Variants in COL6A3 observed in about 807,000 individuals in gnomAD.
COL6A3 encodes the protein collagen type VI alpha 3 chain.
Under a neutral mutation model 274.1 loss-of-function variants are expected in COL6A3, and 137 were observed. The ratio of observed to expected loss-of-function variants is 0.50; its 90% CI spans 0.44 to 0.58. The LOEUF is 0.58. COL6A3 is among the 20% of genes least tolerant of loss of function. The probability of loss-of-function intolerance (pLI) is 0.00; values close to 1 mark genes in which losing one functional copy is unlikely to be tolerated. For synonymous variants in COL6A3, 1,650 were observed against 1,650.6 expected, an observed-to-expected ratio of 1.00 and a Z score of 0.01; for missense variants, 3,950 against 4,124.9, an observed-to-expected ratio of 0.96 and a Z score of 1.16.
Position 237,324,599 on chromosome 2 carries a change from A to G in COL6A3, c.*175T>C. On this transcript the variant is annotated 3_prime_UTR_variant, in exon 44 of 44. Coordinates refer to ENST00000295550, the MANE Select transcript of COL6A3 (RefSeq NM_004369.4). ...ACAGAGAGCGAGGGTCCACAGACAC[A>G]TTAGCACCATACTGATAGGTCATGC... 3 of 666,358 alleles carry G rather than the reference A, an allele frequency of 4.5e-6. No homozygotes were observed. Among genetic ancestry groups the G allele is most frequent in the East Asian group, 5.6e-5 (2 of 35,508 alleles). The allele number at this position is 666,358 out of a possible 1,614,324, so 41.3% of individuals were successfully genotyped here. A position where few individuals can be genotyped will look rare whatever the true frequency, so the allele number is the denominator to read the frequency against.
chr2:237,341,541 T>C (rs1285663813), intron 37 of COL6A3, among the ~76,000 whole-genome samples: 1 of 83,622 alleles, frequency 1.2e-5, no homozygotes, highest in African/African-American at 6.8e-5. Flanking sequence ...CAAGACTCTG[T>C]CTAAAAAAAA....
intron 2 of COL6A3, among the ~76,000 whole-genome samples, chr2:237,396,476 A>C (rs796950743): frequency 2.6e-5 from 4 of 152,354 alleles, no homozygotes; most frequent in African/African-American, 9.6e-5. Context: ...CCAATGTAAA[A>C]ACAAATCATT....
intron 3 of COL6A3, among the ~76,000 whole-genome samples, 172 bp from the exon 4 acceptor site, chr2:237,388,356 A>T (rs910053305): frequency 6.6e-6 from 1 of 152,220 alleles, no homozygotes; most frequent in Non-Finnish European, 1.5e-5. Flanking sequence ...TGCATTCTGA[A>T]TGGATAAGAG....
In COL6A3 at chr2:237,344,247, G is replaced by A. The variant is rs1330152834; in HGVS notation, c.7668+103C>T. On this transcript the variant is annotated intron_variant, in intron 36 of 43. Coordinates refer to ENST00000295550, the MANE Select transcript of COL6A3 (RefSeq NM_004369.4). The surrounding 1 kb of genome is among the most constrained non-coding windows in gnomAD (Gnocchi z 4.8). Reference sequence around the variant, plus strand: ...GATGGCCTCATTGGGGACGTTTTAGGAGCTATGGGACATGAAGCCACAAAG... The same window carrying A: ...GATGGCCTCATTGGGGACGTTTTAGAAGCTATGGGACATGAAGCCACAAAG... The A allele has an allele frequency of 1.5e-5, 24 of 1,565,918 alleles. No homozygotes were observed. Among genetic ancestry groups the A allele is most frequent in the Non-Finnish European group, 2.1e-5 (24 of 1,141,228 alleles).
chr2:237,393,675 A>G (rs916733575), intron 3 of COL6A3, among the ~76,000 whole-genome samples: 2 of 152,194 alleles, frequency 1.3e-5, no homozygotes, highest in Non-Finnish European at 2.9e-5. Flanking sequence ...CCCATCGCTG[A>G]TGAGTAAGCT....
intron 24 of COL6A3, 144 bp from the exon 25 acceptor site, chr2:237,353,547 C>T (rs752594294): frequency 5.5e-6 from 4 of 724,052 alleles, no homozygotes; most frequent in Admixed American, 2.0e-5. Flanking sequence ...ATGATCAAAG[C>T]GGTAACCCCA....
intron 6 of COL6A3, among the ~76,000 whole-genome samples, chr2:237,377,860 C>T (rs1360208809): frequency 1.3e-5 from 2 of 152,192 alleles, no homozygotes; most frequent in African/African-American, 4.8e-5. Context: ...GGGCCAAGAC[C>T]CACAATAGTG....
chr2:237,365,956 G>T lies in COL6A3; in HGVS notation c.5580C>A (p.Ser1860=). The change falls in exon 12 of 44, where the codon TCC becomes TCA. Residue 1860 remains serine (S), a synonymous_variant. Transcript: ENST00000295550. ...TTCTGTTCAAGATGGCGTCCACCTT[G>T]GACTCGAAGCCCTTCTGGGCCACAA... The part of the protein sequence containing the change: ...NVFVAQKGFE[S]KVDAILNRIS... 2.5e-6 allele frequency: 4 copies of T among 1,614,068 alleles called. No homozygotes were observed. Among genetic ancestry groups the T allele is most frequent in the Middle Eastern group, 1.6e-4 (1 of 6,062 alleles).
At chr2:237,336,780 A>G (rs1235976343) in intron 39 of COL6A3, among the ~76,000 whole-genome samples, 1 of 152,242 alleles carries the variant, frequency 6.6e-6, no homozygotes, top group Non-Finnish European at 1.5e-5. Flanking sequence ...CTACAAAAAC[A>G]TCTTTCAATT....
At chr2:237,386,283 AG>A (rs1199529191) in intron 4 of COL6A3, among the ~76,000 whole-genome samples, 1 of 152,260 alleles carries the variant, frequency 6.6e-6, no homozygotes, top group African/African-American at 2.4e-5. Flanking sequence ...ATAAATAGAT[AG>A]TGATGTTTTT....
intron 8 of COL6A3, 53 bp from the exon 9 acceptor site, chr2:237,372,390 C>T (rs890497855): frequency 6.9e-6 from 11 of 1,599,658 alleles, no homozygotes; most frequent in Admixed American, 3.3e-5. Flanking sequence ...AAATTCTTAG[C>T]GTTCATGAGC....
chr2:237,346,710 G>T lies in COL6A3; in HGVS notation c.7030-145C>A, dbSNP rs145759490. ...TCTCTCACTTTAAGGGAGCTAAAAT[G>T]TCTCTTAAATTCAAGTTTAGGGACA... On this transcript the variant is annotated intron_variant, in intron 31 of 43. Transcript: ENST00000295550. The T allele has an allele frequency of 7.2e-4, 534 of 737,380 alleles. 6 individuals carry two copies. The East Asian group carries it at 0.016, about 22-fold the overall frequency. The allele number at this position is 737,380 out of a possible 1,614,324, so 45.7% of individuals were successfully genotyped here. A position where few individuals can be genotyped will look rare whatever the true frequency, so the allele number is the denominator to read the frequency against.
intron 27 of COL6A3, 100 bp from the exon 28 acceptor site, chr2:237,350,309 C>T: frequency 1.0e-6 from 1 of 1,003,406 alleles, no homozygotes; most frequent in Non-Finnish European, 1.6e-6. Context: ...CTGCAACATG[C>T]TGACTTCACC....
rs999967795 is a variant in COL6A3, at chr2:237,374,867, C to T, written c.3224G>A (p.Arg1075Gln). 8 of 1,613,834 alleles carry T rather than the reference C, an allele frequency of 5.0e-6. No homozygotes were observed. Among genetic ancestry groups the T allele is most frequent in the Non-Finnish European group, 5.9e-6 (7 of 1,180,022 alleles). The change falls in exon 8 of 44, where the codon CGG becomes CAG. Residue 1075 changes from arginine (R) to glutamine (Q), a missense_variant. By Grantham distance (43) the Arg-to-Gln change is conservative. Around this residue, in one of 5 missense-constraint regions of COL6A3, gnomAD observed 1,934 missense variants for 1,984.3 expected, o/e 0.97. Transcript: ENST00000295550. This position sits in a 1 kb window ranked among gnomAD's most constrained non-coding sequence, Gnocchi z 4.8. ...VRVAVVQYSDRTRPEFYLNSY... is the reference protein window; with the variant it reads ...VRVAVVQYSDQTRPEFYLNSY... ...ATTCAGGTAGAACTCGGGCCTGGTCCGGTCGCTGTACTGCACCACGGCCAC... is the reference window on the plus strand; with the variant it reads ...ATTCAGGTAGAACTCGGGCCTGGTCTGGTCGCTGTACTGCACCACGGCCAC...
At chr2:237,397,667 A>G (rs1334485233) in intron 1 of COL6A3, among the ~76,000 whole-genome samples, 2 of 152,228 alleles carry the variant, frequency 1.3e-5, no homozygotes. Context: ...GGACATTCTT[A>G]AACATAGTTC....
At chr2:237,357,576 C>T (rs986974684) in intron 22 of COL6A3, among the ~76,000 whole-genome samples, 185 bp from the exon 23 acceptor site, 1 of 152,252 alleles carries the variant, frequency 6.6e-6, no homozygotes, top group Non-Finnish European at 1.5e-5. Context: ...AAGCCTTTGG[C>T]TTAACAAGCA....
At position 237,364,322 on chromosome 2, in the gene COL6A3, C is replaced by G. The variant is rs73093737; in HGVS notation, c.5917+28G>C. ...CACCCCGCCTCACCAGGGTTTACTT[C>G]TCATATTTAGAAAGCCTTGGCACCT... On this transcript the variant is annotated intron_variant, in intron 13 of 43. Transcript: ENST00000295550. This position sits in a 1 kb window ranked among gnomAD's most constrained non-coding sequence, Gnocchi z 4.6. The G allele has an allele frequency of 4.8e-3, 7,541 of 1,587,088 alleles. 309 individuals are homozygous for G. The African/African-American group carries it at 0.086, about 18-fold the overall frequency.
At position 237,393,664 on chromosome 2, in the gene COL6A3, G is replaced by T. The variant is rs1032795666; in HGVS notation, c.709+923C>A. ...TAACAAGGGGAGGTCCCTCTGCTCTGCCCATCGCTGATGAGTAAGCTCTGG... is the reference window on the plus strand; with the variant it reads ...TAACAAGGGGAGGTCCCTCTGCTCTTCCCATCGCTGATGAGTAAGCTCTGG... On this transcript the variant is annotated intron_variant, in intron 3 of 43. Coordinates refer to ENST00000295550, the MANE Select transcript of COL6A3 (RefSeq NM_004369.4). 7.9e-5 allele frequency among the ~76,000 whole-genome samples: 12 copies of T among 152,262 alleles called. No homozygotes were observed. The East Asian group carries it at 2.1e-3, about 27-fold the overall frequency.
chr2:237,371,653 A>G lies in COL6A3; in HGVS notation c.4285+79T>C. 2.0e-6 allele frequency: 3 copies of G among 1,516,642 alleles called. No homozygotes were observed. Among genetic ancestry groups the G allele is most frequent in the South Asian group, 2.7e-5 (2 of 73,710 alleles). The allele number at this position is 1,516,642 out of a possible 1,614,324, so 93.9% of individuals were successfully genotyped here. ...AACCTTTATTTTAATTTAATTTATTATGAGTACCATGGCCTTTGAGCCTGT... is the reference window on the plus strand; with the variant it reads ...AACCTTTATTTTAATTTAATTTATTGTGAGTACCATGGCCTTTGAGCCTGT... On this transcript the variant is annotated intron_variant, in intron 9 of 43. Coordinates refer to ENST00000295550, the MANE Select transcript of COL6A3 (RefSeq NM_004369.4). This position sits in a 1 kb window ranked among gnomAD's most constrained non-coding sequence, Gnocchi z 4.3.
Sources: gnomAD v4.1 joint callset for allele counts (sites outside exome capture counted in the v4.1 genomes callset) on GRCh38, gnomAD v4.1.1 for gene constraint, gnomAD v4.1.1 regional missense constraint, Gnocchi (gnomAD v3.1) non-coding constraint, MANE v1.5 for transcripts, NCBI Gene and HGNC (gene_info 2026-07-23, HGNC 2026-07-21) for gene names.